Variants in SEMA5A observed in about 807,000 individuals in gnomAD.
SEMA5A encodes the protein semaphorin 5A, also known as semaphorin-5A.
SEMA5A carries 55 observed loss-of-function variants against 135.5 expected under a neutral mutation model. That is an observed-to-expected ratio of 0.41 (90% confidence interval 0.33 to 0.51). The LOEUF is 0.51. Among genes scored for constraint, SEMA5A ranks in the 20% least tolerant of loss-of-function variants. The pLI is 0.37. For missense variants in SEMA5A, 1,290 were observed against 1,419.9 expected, an observed-to-expected ratio of 0.91 and a Z score of 1.47; for synonymous variants, 580 against 546.5, an observed-to-expected ratio of 1.06 and a Z score of -0.85.
intron 8 of SEMA5A, among the ~76,000 whole-genome samples, chr5:9,215,819 T>TATTA (rs149951058): frequency 0.029 from 4,453 of 152,208 alleles, 232 homozygotes; most frequent in African/African-American, 0.1. Context: ...TGGCCTATCT[T>TATTA]ATTTTTTTTT....
At chr5:9,407,907 CACCAAT>C (rs1173352699) in intron 2 of SEMA5A, among the ~76,000 whole-genome samples, 1 of 152,022 alleles carries the variant, frequency 6.6e-6, no homozygotes, top group Non-Finnish European at 1.5e-5. Context: ...CCACCATCAC[CACCAAT>C]ACCACTACCA....
intron 1 of SEMA5A, among the ~76,000 whole-genome samples, chr5:9,459,028 T>C (rs1758955334): frequency 6.6e-6 from 1 of 152,198 alleles, no homozygotes; most frequent in Admixed American, 6.5e-5. Flanking sequence ...ACCAGAATGA[T>C]TTTTATCAAT....
intron 21 of SEMA5A, among the ~76,000 whole-genome samples, chr5:9,047,029 T>G (rs2150032993): frequency 6.6e-6 from 1 of 152,024 alleles, no homozygotes; most frequent in East Asian, 1.9e-4. Flanking sequence ...ACTGCCAACC[T>G]GGGACAGACA....
chr5:9,092,049 C>T (rs547828975), intron 16 of SEMA5A, among the ~76,000 whole-genome samples: 7 of 152,290 alleles, frequency 4.6e-5, no homozygotes, highest in South Asian at 4.1e-4. Context: ...CTGTATTATT[C>T]GGTCTTGGGA....
At chr5:9,530,368 A>G (rs1190905669) in intron 1 of SEMA5A, among the ~76,000 whole-genome samples, 1 of 152,232 alleles carries the variant, frequency 6.6e-6, no homozygotes, top group East Asian at 1.9e-4. Flanking sequence ...TTGATGGATA[A>G]TTACAGCATA....
At chr5:9,340,689 A>G (rs1363912531) in intron 3 of SEMA5A, among the ~76,000 whole-genome samples, 1 of 152,232 alleles carries the variant, frequency 6.6e-6, no homozygotes, top group Non-Finnish European at 1.5e-5. Flanking sequence ...CTTTCCCAAT[A>G]AAACTGTGTA....
chr5:9,106,703 G>C (rs1739934786), intron 16 of SEMA5A, among the ~76,000 whole-genome samples: 1 of 152,184 alleles, frequency 6.6e-6, no homozygotes, highest in Non-Finnish European at 1.5e-5. Context: ...CCTAGAACAT[G>C]TGAGTGTTCA....
intron 1 of SEMA5A, among the ~76,000 whole-genome samples, chr5:9,493,729 T>C (rs1735155610): frequency 6.6e-6 from 1 of 152,206 alleles, no homozygotes; most frequent in Admixed American, 6.6e-5. Flanking sequence ...CTATAATGTT[T>C]GTAACTCACA....
chr5:9,074,520 C>G (rs544886811), intron 16 of SEMA5A, among the ~76,000 whole-genome samples: 3 of 152,088 alleles, frequency 2.0e-5, no homozygotes, highest in East Asian at 3.9e-4. Flanking sequence ...AAGTTTCTGC[C>G]TTTTAAGGAT....
intron 5 of SEMA5A, among the ~76,000 whole-genome samples, chr5:9,276,757 A>G (rs1750284406): frequency 6.6e-6 from 1 of 152,354 alleles, no homozygotes; most frequent in Non-Finnish European, 1.5e-5. Context: ...CTGGCTAGCC[A>G]TGTGCAGAAA....
At chr5:9,190,230 T>C (rs769741843) in intron 11 of SEMA5A, 37 bp downstream of exon 11, 4 of 1,588,078 alleles carry the variant, frequency 2.5e-6, no homozygotes, top group Admixed American at 3.4e-5. Context: ...AATCAGAAGA[T>C]GGTAGAAAAC....
chr5:9,475,490 A>G, intron 1 of SEMA5A, among the ~76,000 whole-genome samples: 1 of 152,240 alleles, frequency 6.6e-6, no homozygotes, highest in Non-Finnish European at 1.5e-5. Flanking sequence ...AAGCAGGACA[A>G]ACACAGAATG....
At chr5:9,418,390 A>G (rs1757354986) in intron 2 of SEMA5A, among the ~76,000 whole-genome samples, 1 of 152,178 alleles carries the variant, frequency 6.6e-6, no homozygotes, top group African/African-American at 2.4e-5. Flanking sequence ...TAGGATTTCA[A>G]CATATGCATT....
intron 14 of SEMA5A, among the ~76,000 whole-genome samples, chr5:9,120,841 C>G (rs1156741946): frequency 6.6e-6 from 1 of 150,494 alleles, no homozygotes; most frequent in African/African-American, 2.5e-5. Flanking sequence ...TGTAGTGGCT[C>G]TAACTCGGCT....
At chr5:9,065,170 G>A (rs1038387695) in intron 17 of SEMA5A, among the ~76,000 whole-genome samples, 1 of 152,204 alleles carries the variant, frequency 6.6e-6, no homozygotes, top group Non-Finnish European at 1.5e-5. Flanking sequence ...AGTGGTGTGA[G>A]GAGAGGAGAG....
At chr5:9,154,093 A>ATATATATATATATATGTGTGTG (rs372321939) in intron 12 of SEMA5A, among the ~76,000 whole-genome samples, 1 of 73,512 alleles carries the variant, frequency 1.4e-5, no homozygotes, top group Admixed American at 1.8e-4. Context: ...ATATATATAT[A>ATATATATATATATATGTGTGTG]TGTGTGTGTG....
chr5:9,424,184 G>A (rs71597588), intron 2 of SEMA5A, among the ~76,000 whole-genome samples: 15,730 of 152,062 alleles, frequency 0.1, 893 homozygotes, highest in Middle Eastern at 0.13. Context: ...GAAAAAAAAA[G>A]GCAAAATAAG....
intron 15 of SEMA5A, among the ~76,000 whole-genome samples, chr5:9,115,058 C>A (rs1320957856): frequency 1.3e-5 from 2 of 152,158 alleles, no homozygotes; most frequent in East Asian, 3.9e-4. Context: ...GAAGAGCTAA[C>A]TCAAAAAGGT....
chr5:9,169,509 C>CT lies in SEMA5A; in HGVS notation c.1274-14815dup, dbSNP rs1197406570. ...CCTTGTTTAGTACTTACTAACTGGA[C>CT]TTTCCTTCTAGGAGCAGAACTGTGT... On this transcript the variant is annotated intron_variant, in intron 11 of 22. Coordinates refer to ENST00000382496, the MANE Select transcript of SEMA5A (RefSeq NM_003966.3). 9.2e-5 allele frequency among the ~76,000 whole-genome samples: 14 copies of CT among 152,178 alleles called. 1 individual carries two copies. Among genetic ancestry groups the CT allele is most frequent in the Admixed American group, 9.2e-4 (14 of 15,276 alleles).
Sources: allele counts gnomAD v4.1 joint callset (sites outside exome capture counted in the v4.1 genomes callset), GRCh38; gene constraint gnomAD v4.1.1; transcripts MANE v1.5; gene names NCBI Gene and HGNC (gene_info 2026-07-23, HGNC 2026-07-21).